The following HDAC8 variants were observed in gnomAD, a reference collection of about 807,000 sequenced individuals.
HDAC8 encodes the protein histone deacetylase 8, also known as histone deacetylase-like 1.
HDAC8 carries 1 observed loss-of-function variant against 32.2 expected under a neutral mutation model. That is an observed-to-expected ratio of 0.03 (90% CI 0.01 to 0.15). The LOEUF (loss-of-function observed/expected upper bound fraction) is 0.15, where lower values mean the gene tolerates loss of function less well. HDAC8 is among the 10% of genes least tolerant of loss of function. The pLI, the probability that HDAC8 is intolerant of heterozygous loss-of-function variation, is 1.00. For synonymous variants in HDAC8, 108 were observed against 113.9 expected, an observed-to-expected ratio of 0.95 and a Z score of 0.33; for missense variants, 117 against 300.0, an observed-to-expected ratio of 0.39 and a Z score of 4.51.
chrX:72,473,823 A>G, intron 7 of HDAC8: 2 of 754,536 alleles, frequency 2.7e-6, no homozygotes, highest in Non-Finnish European at 3.1e-6. Context: ...CTCATTCTAA[A>G]ACCTTCAGTG....
chrX:72,528,086 T>A (rs73500305), intron 4 of HDAC8, among the ~76,000 whole-genome samples: 9,213 of 110,772 alleles, frequency 0.083, 882 homozygotes, highest in African/African-American at 0.28. Context: ...CACCTTTCTG[T>A]CCTCTTAGCC....
intron 9 of HDAC8, among the ~76,000 whole-genome samples, chrX:72,359,320 A>T (rs1429780181): frequency 9.0e-6 from 1 of 110,608 alleles, no homozygotes; most frequent in African/African-American, 3.3e-5. Flanking sequence ...AAGGCCTGGA[A>T]AATAAAAGGC....
At chrX:72,549,896 C>T (rs920326484) in intron 4 of HDAC8, among the ~76,000 whole-genome samples, 1 of 111,794 alleles carries the variant, frequency 8.9e-6, no homozygotes, top group Non-Finnish European at 1.9e-5. Flanking sequence ...TATGGACAGT[C>T]ACTGTCCCTC....
chrX:72,370,085 C>T (rs1555955839), intron 9 of HDAC8, among the ~76,000 whole-genome samples: 1 of 112,353 alleles, frequency 8.9e-6, no homozygotes, highest in African/African-American at 3.2e-5. Flanking sequence ...GCCTGAATGG[C>T]TAGCTCCTTT....
chrX:72,355,099 AGGAGAAACTGACTAGCCTGT>A lies in HDAC8; in HGVS notation c.1006-3281_1006-3262del, dbSNP rs1246673778. ...CTTGCTTAAGCCATTAGCTTAGCCTAGGAGAAACTGACTAGCCTGTGGAGAAACTGACTTCTCTCATAGTT... is the reference window on the plus strand; with the variant it reads ...CTTGCTTAAGCCATTAGCTTAGCCTAGGAGAAACTGACTTCTCTCATAGTT... On this transcript the variant is annotated intron_variant, in intron 9 of 10. Coordinates refer to ENST00000373573, the MANE Select transcript of HDAC8 (RefSeq NM_018486.3). 3.6e-5 allele frequency among the ~76,000 whole-genome samples: 4 copies of A among 112,313 alleles called. No individual in the cohort carries two copies. The East Asian group carries it at 8.4e-4, about 24-fold the overall frequency.
chrX:72,550,875 G>A (rs1334468348), intron 4 of HDAC8, among the ~76,000 whole-genome samples: 1 of 110,997 alleles, frequency 9.0e-6, no homozygotes, highest in African/African-American at 3.3e-5. Context: ...CTGCCCTCAA[G>A]TGTTTGCTAA....
intron 5 of HDAC8, among the ~76,000 whole-genome samples, chrX:72,492,947 A>G (rs1210342622): frequency 8.9e-6 from 1 of 111,996 alleles, no homozygotes; most frequent in East Asian, 2.8e-4. Context: ...AGACACAGAC[A>G]CATTAAAAAA....
intron 4 of HDAC8, among the ~76,000 whole-genome samples, chrX:72,513,492 AT>A (rs1195580059): frequency 9.2e-6 from 1 of 108,837 alleles, no homozygotes; most frequent in Admixed American, 9.8e-5. Flanking sequence ...CACCTAACTA[AT>A]TTTTTTGTAT....
At chrX:72,440,315 A>T (rs918094129) in intron 9 of HDAC8, among the ~76,000 whole-genome samples, 1 of 111,883 alleles carries the variant, frequency 8.9e-6, no homozygotes, top group Non-Finnish European at 1.9e-5. Context: ...TCTGGGACAC[A>T]GCTAAAGCAG....
intron 4 of HDAC8, among the ~76,000 whole-genome samples, chrX:72,498,681 A>G (rs1366054517): frequency 4.5e-5 from 5 of 111,818 alleles, no homozygotes; most frequent in Non-Finnish European, 9.4e-5. Context: ...TTCAACCTAT[A>G]TGCTTGGTAT....
At chrX:72,409,288 G>A (rs1038861570) in intron 9 of HDAC8, among the ~76,000 whole-genome samples, 2 of 111,288 alleles carry the variant, frequency 1.8e-5, no homozygotes, top group East Asian at 2.8e-4. Flanking sequence ...CTGCCTTCAC[G>A]TTGGTTCAAG....
At chrX:72,350,010 C>T (rs1363967936) in intron 10 of HDAC8, among the ~76,000 whole-genome samples, 2 of 111,348 alleles carry the variant, frequency 1.8e-5, no homozygotes, top group Non-Finnish European at 3.8e-5. Flanking sequence ...ACAGGACATG[C>T]GTACCAGGTT....
intron 4 of HDAC8, among the ~76,000 whole-genome samples, chrX:72,529,944 C>A (rs1395587787): frequency 8.9e-6 from 1 of 111,801 alleles, no homozygotes; most frequent in Non-Finnish European, 1.9e-5. Context: ...TTTTCTGCCT[C>A]CATGGTAACA....
chrX:72,364,821 C>T (rs1399497466), intron 9 of HDAC8, among the ~76,000 whole-genome samples: 1 of 111,176 alleles, frequency 9.0e-6, no homozygotes, highest in South Asian at 3.8e-4. Context: ...TAAATATGTA[C>T]AAAAAAAGAC....
At chrX:72,359,790 C>G (rs2044488013) in intron 9 of HDAC8, among the ~76,000 whole-genome samples, 1 of 111,015 alleles carries the variant, frequency 9.0e-6, no homozygotes, top group Non-Finnish European at 1.9e-5. Context: ...CGTGGTGGCT[C>G]TCTCCTGTAA....
chrX:72,562,796 T>A (rs1556123664), intron 4 of HDAC8, among the ~76,000 whole-genome samples: 1 of 111,305 alleles, frequency 9.0e-6, no homozygotes, highest in Non-Finnish European at 1.9e-5. Flanking sequence ...TAACCACTGT[T>A]ATCATTCCCA....
chrX:72,543,605 G>T (rs143967680), intron 4 of HDAC8, among the ~76,000 whole-genome samples: 3,351 of 111,768 alleles, frequency 0.03, 64 homozygotes, highest in Non-Finnish European at 0.041. Context: ...TTCAACTGTA[G>T]AAATCATAAA....
intron 7 of HDAC8, among the ~76,000 whole-genome samples, chrX:72,478,604 G>C (rs781990885): frequency 2.8e-5 from 3 of 108,040 alleles, no homozygotes; most frequent in Non-Finnish European, 5.7e-5. Flanking sequence ...TTATTAACTT[G>C]TTAGCTGGTT....
At chrX:72,472,258 G>T (rs1182949611) in intron 7 of HDAC8, among the ~76,000 whole-genome samples, 1 of 108,377 alleles carries the variant, frequency 9.2e-6, no homozygotes, top group Non-Finnish European at 1.9e-5. Flanking sequence ...TAGTAGAGAC[G>T]GGGTTTCACC....
Sources: gnomAD v4.1 joint callset for allele counts (sites outside exome capture counted in the v4.1 genomes callset) on GRCh38, gnomAD v4.1.1 for gene constraint, MANE v1.5 for transcripts, NCBI Gene and HGNC (gene_info 2026-07-23, HGNC 2026-07-21) for gene names.